Variants in ACSL5 observed in about 807,000 individuals in gnomAD.
ACSL5 encodes the protein long-chain-fatty-acid--CoA ligase 5.
Under a neutral mutation model 84.9 loss-of-function variants are expected in ACSL5, and 50 were observed. The observed-to-expected ratio is 0.59, with a 90% confidence interval of 0.47 to 0.75. The LOEUF (loss-of-function observed/expected upper bound fraction) is 0.75, where lower values mean the gene tolerates loss of function less well. Ranked by LOEUF, ACSL5 falls within the 30% of genes least tolerant of loss-of-function variation. The pLI, the probability that ACSL5 is intolerant of heterozygous loss-of-function variation, is 0.00. For missense variants in ACSL5, 775 were observed against 830.4 expected (o/e 0.93, Z 0.82); for synonymous variants, 280 against 300.7 (o/e 0.93, Z 0.71).
Position 112,394,986 on chromosome 10 carries a change from A to C in ACSL5, c.40A>C (p.Thr14Pro), listed in dbSNP as rs1843714481. Reference sequence around the variant, plus strand: ...TAACTTTTTGTTTTCCCCACTTCCGACCCCGGCGTTGATCTGCATCCTGAC... The same window carrying C: ...TAACTTTTTGTTTTCCCCACTTCCGCCCCCGGCGTTGATCTGCATCCTGAC... The part of the protein sequence containing the change: ...IFNFLFSPLP[T>P]PALICILTFG... The change falls in exon 2 of 21, where the codon ACC (threonine) becomes CCC (proline). Residue 14 changes from threonine (T) to proline (P), a missense_variant. Physicochemically the swap from Thr to Pro is conservative, Grantham distance 38. Transcript: ENST00000354655. The C allele has an allele frequency of 6.2e-7, 1 of 1,612,718 alleles. No individual in the cohort carries two copies.
intron 18 of ACSL5, 107 bp downstream of exon 18, chr10:112,425,588 A>T: frequency 6.0e-6 from 5 of 832,838 alleles, no homozygotes; most frequent in Non-Finnish European, 8.1e-6. Context: ...ATCCAAGCTT[A>T]TAAAACTAAA....
At chr10:112,404,610 C>A (rs1277678502) in intron 4 of ACSL5, 35 bp downstream of exon 4, 1 of 1,604,206 alleles carries the variant, frequency 6.2e-7, no homozygotes, top group East Asian at 2.2e-5. Flanking sequence ...CAGATTCTTT[C>A]TAACATAGTA....
chr10:112,409,543 AGGCATT>A lies in ACSL5; in HGVS notation c.572_577del (p.Ala191_Leu192del), dbSNP rs760693699. 6.2e-7 allele frequency: 1 copy of A among 1,613,842 alleles called. No homozygotes were observed. The highest frequency in any genetic ancestry group is 1.7e-5 in the Admixed American group (1 of 60,020). On this transcript the variant is annotated inframe_deletion, in exon 7 of 21. Transcript: ENST00000354655. ...ATGGTGATCTGTGACACACCCCAAA[AGGCATT>A]GGTGCTGATAGGGAATGTAGAGAAA...
chr10:112,405,792 T>C (rs1020385461), intron 5 of ACSL5, among the ~76,000 whole-genome samples: 5 of 152,214 alleles, frequency 3.3e-5, no homozygotes, highest in African/African-American at 9.6e-5. Flanking sequence ...GTATGTTATA[T>C]GTATTGTATA....
chr10:112,391,838 A>G (rs1473760450), intron 1 of ACSL5, among the ~76,000 whole-genome samples: 1 of 152,216 alleles, frequency 6.6e-6, no homozygotes, highest in African/African-American at 2.4e-5. Flanking sequence ...TATTGTTACT[A>G]TATGGTAACA....
chr10:112,406,131 A>G (rs1844031779), intron 5 of ACSL5: 1 of 152,236 alleles, frequency 6.6e-6, no homozygotes. Flanking sequence ...ACTGTATATT[A>G]GTCTGCTAGA....
chr10:112,416,877 T>A lies in ACSL5; in HGVS notation c.1084-11T>A, dbSNP rs1319864198. On this transcript the variant is annotated splice_polypyrimidine_tract_variant and intron_variant, in intron 12 of 20. Transcript: ENST00000354655. ...ATAGGTTTCCAACTAAAAGGAGCTA[T>A]CACTCTGCAGGTACAAAATGAGGCC... 6.8e-6 allele frequency: 11 copies of A among 1,613,250 alleles called. No individual in the cohort carries two copies. In the East Asian group the frequency reaches 2.5e-4, roughly 36 times the overall value.
intron 1 of ACSL5, among the ~76,000 whole-genome samples, chr10:112,384,201 A>C (rs1320263695): frequency 6.6e-6 from 1 of 152,002 alleles, no homozygotes; most frequent in Admixed American, 6.6e-5. Context: ...AAAAAACAAA[A>C]AACAAAAATC....
intron 1 of ACSL5, among the ~76,000 whole-genome samples, chr10:112,383,222 C>T (rs771089854): frequency 1.3e-5 from 2 of 152,242 alleles, no homozygotes; most frequent in South Asian, 2.1e-4. Context: ...GAAGTTAACA[C>T]TGCAGTGAGC....
At chr10:112,418,352 C>G (rs775428107) in intron 14 of ACSL5, among the ~76,000 whole-genome samples, 1 of 152,080 alleles carries the variant, frequency 6.6e-6, no homozygotes, top group Non-Finnish European at 1.5e-5. Context: ...GAGGCTGAGA[C>G]GGGCGGATCA....
At chr10:112,380,618 T>C (rs1564729278) in intron 1 of ACSL5, among the ~76,000 whole-genome samples, 2 of 152,138 alleles carry the variant, frequency 1.3e-5, no homozygotes, top group Non-Finnish European at 2.9e-5. Flanking sequence ...CCATCCAACC[T>C]AATGAGATGA....
chr10:112,387,149 T>C (rs1849470306), intron 1 of ACSL5, among the ~76,000 whole-genome samples: 1 of 152,252 alleles, frequency 6.6e-6, no homozygotes, highest in African/African-American at 2.4e-5. Flanking sequence ...ACTGGGCTTT[T>C]TCCATATGAT....
intron 3 of ACSL5, among the ~76,000 whole-genome samples, chr10:112,403,798 T>A (rs1222012949): frequency 6.6e-6 from 1 of 152,208 alleles, no homozygotes; most frequent in Non-Finnish European, 1.5e-5. Context: ...AGGATCAATT[T>A]GAAAATATTT....
At chr10:112,381,734 C>T (rs1407543643) in intron 1 of ACSL5, among the ~76,000 whole-genome samples, 1 of 150,168 alleles carries the variant, frequency 6.7e-6, no homozygotes, top group South Asian at 2.1e-4. Flanking sequence ...TTTGGGAGGT[C>T]GAGGTGGGTG....
chr10:112,400,406 C>CTTTTTTTTTTTTTTTTT (rs573644087), intron 3 of ACSL5, among the ~76,000 whole-genome samples: 14 of 98,892 alleles, frequency 1.4e-4, no homozygotes, highest in East Asian at 6.0e-4. Flanking sequence ...TTTTTCTTTT[C>CTTTTTTTTTTTTTTTTT]TTTTTTTTTT....
intron 5 of ACSL5, chr10:112,406,307 C>G (rs747096364): frequency 1.2e-4 from 18 of 152,194 alleles, no homozygotes; most frequent in African/African-American, 1.7e-4. Flanking sequence ...TGTCTTCACA[C>G]GGCCTTTTCT....
intron 1 of ACSL5, among the ~76,000 whole-genome samples, chr10:112,389,445 A>G (rs990372315): frequency 1.2e-4 from 19 of 152,208 alleles, no homozygotes; most frequent in Non-Finnish European, 1.6e-4. Flanking sequence ...GCCTTTTGAC[A>G]TGGGACATCC....
intron 3 of ACSL5, among the ~76,000 whole-genome samples, 193 bp from the exon 4 acceptor site, chr10:112,404,318 C>G (rs10885345): frequency 0.46 from 70,122 of 152,022 alleles, 16,798 homozygotes; most frequent in South Asian, 0.58. Context: ...AATGTTTCAA[C>G]TATAGTTTAT....
At chr10:112,401,774 TTTTCTTTCTTTCTCTTTCTTTC>T (rs1418575242) in intron 3 of ACSL5, among the ~76,000 whole-genome samples, 11 of 150,068 alleles carry the variant, frequency 7.3e-5, no homozygotes, top group African/African-American at 2.7e-4. Context: ...CTTTCTTTCT[TTTTCTTTCTTTCTCTTTCTTTC>T]TTTCTTTCTT....
Sources: gnomAD v4.1 joint callset for allele counts (sites outside exome capture counted in the v4.1 genomes callset) on GRCh38, gnomAD v4.1.1 for gene constraint, MANE v1.5 for transcripts, NCBI Gene and HGNC (gene_info 2026-07-23, HGNC 2026-07-21) for gene names.